Variants in PKN3 observed in about 807,000 individuals in gnomAD.
PKN3 encodes serine/threonine-protein kinase N3.
PKN3 carries 91 observed loss-of-function variants against 113.1 expected under a neutral mutation model. The observed-to-expected ratio is 0.80, with a 90% CI of 0.68 to 0.96. PKN3 has a LOEUF of 0.96. Among genes scored for constraint, PKN3 ranks in the 40% least tolerant of loss-of-function variants. The probability of loss-of-function intolerance (pLI) is 0.00; values close to 1 mark genes in which losing one functional copy is unlikely to be tolerated. For synonymous variants in PKN3, 467 were observed against 499.0 expected, an observed-to-expected ratio of 0.94 and a Z score of 0.85; for missense variants, 1,052 against 1,202.2, an observed-to-expected ratio of 0.88 and a Z score of 1.85.
intron 15 of PKN3, among the ~76,000 whole-genome samples, chr9:128,716,297 CAAAA>C (rs35693710): frequency 1.8e-4 from 18 of 98,606 alleles, no homozygotes; most frequent in Admixed American, 3.1e-4. Context: ...GACCCTGTCT[CAAAA>C]AAAAAAAAAA....
At position 128,719,824 on chromosome 9, in the gene PKN3, G is replaced by A; in HGVS notation, c.2264G>A (p.Gly755Asp). 6.2e-7 allele frequency: 1 copy of A among 1,605,652 alleles called. No individual in the cohort carries two copies. The highest frequency in any genetic ancestry group is 8.5e-7 in the Non-Finnish European group (1 of 1,173,798). The change falls in exon 19 of 22, where the codon GGT becomes GAT. Residue 755 changes from glycine to aspartate, a missense_variant. Physicochemically the swap from Gly to Asp is moderately conservative, Grantham distance 94. Around this residue, in one of 2 missense-constraint regions of PKN3, gnomAD observed 333 missense variants for 442.8 expected, o/e 0.75. Coordinates refer to ENST00000291906, the MANE Select transcript of PKN3 (RefSeq NM_013355.5). ...LGVLLYEMLV[G>D]ECPFPGDTEE... Reference sequence around the variant, plus strand: ...GTGCTGCTCTACGAGATGCTGGTGGGTGAGGTGAGTGCTGGAGCCTGTTTC... The same window carrying A: ...GTGCTGCTCTACGAGATGCTGGTGGATGAGGTGAGTGCTGGAGCCTGTTTC...
intron 6 of PKN3, among the ~76,000 whole-genome samples, chr9:128,707,764 C>T (rs1862062666): frequency 6.6e-6 from 1 of 152,206 alleles, no homozygotes; most frequent in South Asian, 2.1e-4. Context: ...CAGCACTGGG[C>T]AGCTTGGACT....
At chr9:128,707,815 G>A (rs990026770) in intron 6 of PKN3, among the ~76,000 whole-genome samples, 29 of 152,216 alleles carry the variant, frequency 1.9e-4, no homozygotes, top group Non-Finnish European at 3.2e-4. Flanking sequence ...GCTCACGCTG[G>A]TAATTCCAGC....
intron 16 of PKN3, among the ~76,000 whole-genome samples, 154 bp downstream of exon 16, chr9:128,717,077 T>TGA (rs1293274641): frequency 6.7e-6 from 1 of 148,776 alleles, no homozygotes; most frequent in Non-Finnish European, 1.5e-5. Flanking sequence ...ACAGCATTTG[T>TGA]GATCCTGGGT....
In PKN3 at chr9:128,714,637, C is replaced by G. The variant is rs539388542; in HGVS notation, c.1557C>G (p.Pro519=). 2.1e-4 allele frequency: 298 copies of G among 1,423,354 alleles called. 2 individuals are homozygous for G. Among genetic ancestry groups the G allele is most frequent in the Middle Eastern group, 3.5e-4 (2 of 5,710 alleles). The allele number at this position is 1,423,354 out of a possible 1,614,324, so 88.2% of individuals were successfully genotyped here. The change falls in exon 12 of 22, where the codon CCC becomes CCG. Residue 519 remains proline, a synonymous_variant. Coordinates refer to ENST00000291906, the MANE Select transcript of PKN3 (RefSeq NM_013355.5). ...PPPKPPRLYL[P]QEPTSEETPR... The stretch of plus-strand genomic sequence containing the variant: ...CCAAGCCCCCACGCCTCTACCTCCC[C>G]CAGGAGCCAACATCCGAGGAGACTC...
rs140209448 is a variant in PKN3 at position 128,710,623 on chromosome 9, C to G, written c.836-2429C>G. Among the ~76,000 whole-genome samples the G allele has an allele frequency of 4.1e-3, 625 of 152,086 alleles. 1 individual carries two copies. Among genetic ancestry groups the G allele is most frequent in the Admixed American group, 8.8e-3 (135 of 15,260 alleles). ...TCTCCTGCCTCAGCTTCCCGAGTAG[C>G]TGGGATTACAGGCCTGCACCACCAT... is the stretch of plus-strand genomic sequence containing the variant. On this transcript the variant is annotated intron_variant, in intron 6 of 21. Transcript: ENST00000291906.
chr9:128,703,026 C>T (rs1861900507), intron 1 of PKN3, 87 bp downstream of exon 1: 1 of 895,374 alleles, frequency 1.1e-6, no homozygotes, highest in Admixed American at 4.1e-5. Context: ...CGGCCGCTTC[C>T]CCCGATCCTC....
Position 128,715,423 on chromosome 9 carries a change from A to G in PKN3, c.1771A>G (p.Lys591Glu). The change falls in exon 15 of 22, where the codon AAG becomes GAG. Residue 591 changes from lysine to glutamate, a missense_variant. By Grantham distance (56) the Lys-to-Glu change is moderately conservative. Around this residue, in one of 2 missense-constraint regions of PKN3, gnomAD observed 333 missense variants for 442.8 expected, o/e 0.75. Transcript: ENST00000291906. The surrounding 1 kb of genome is among the most constrained non-coding windows in gnomAD (Gnocchi z 4.1). ...GAAATACTACGCCATCAAAGCACTGAAGAAGCAGGAGGTGCTCAGCCGGGA... is the reference window on the plus strand; with the variant it reads ...GAAATACTACGCCATCAAAGCACTGGAGAAGCAGGAGGTGCTCAGCCGGGA... The part of the protein sequence containing the change: ...TGKYYAIKAL[K>E]KQEVLSRDEI... The G allele has an allele frequency of 6.2e-7, 1 of 1,613,900 alleles. No homozygotes were observed.
chr9:128,711,787 CAG>C (rs1359219961), intron 6 of PKN3, among the ~76,000 whole-genome samples: 2 of 150,012 alleles, frequency 1.3e-5, no homozygotes, highest in Non-Finnish European at 3.0e-5. Flanking sequence ...TTAGTAGAGA[CAG>C]AGTTTCACCA....
At position 128,718,392 on chromosome 9, in the gene PKN3, CTT is replaced by C. The variant is rs770893392; in HGVS notation, c.2048+8_2048+9del. 1.0e-5 allele frequency: 10 copies of C among 996,548 alleles called. No homozygotes were observed. The highest frequency in any genetic ancestry group is 1.5e-5 in the Non-Finnish European group (10 of 649,118). 61.7% of individuals were successfully genotyped at this position (996,548 alleles called of 1,614,324 possible). A position where few individuals can be genotyped will look rare whatever the true frequency, so the allele number is the denominator to read the frequency against. On this transcript the variant is annotated splice_donor_region_variant and intron_variant, in intron 17 of 21. Coordinates refer to ENST00000291906, the MANE Select transcript of PKN3 (RefSeq NM_013355.5). ...CGAGAAGAAGATCATTTACAGGTGA[CTT>C]TTGTCCCAGGGATGCACGGGGGTAG...
chr9:128,710,550 G>A (rs576536040), intron 6 of PKN3, among the ~76,000 whole-genome samples: 3 of 152,016 alleles, frequency 2.0e-5, no homozygotes, highest in Non-Finnish European at 4.4e-5. Context: ...GGAGTGCAGT[G>A]GTGCGATATC....
At chr9:128,708,179 A>G (rs1454155790) in intron 6 of PKN3, among the ~76,000 whole-genome samples, 1 of 151,276 alleles carries the variant, frequency 6.6e-6, no homozygotes, top group Non-Finnish European at 1.5e-5. Context: ...TCAGGAGTTC[A>G]AGACCAGCCT....
In PKN3 at chr9:128,714,589, G is replaced by A. The variant is rs750667687; in HGVS notation, c.1509G>A (p.Leu503=). 2 of 1,310,010 alleles carry A rather than the reference G, an allele frequency of 1.5e-6. No homozygotes were observed. The highest frequency in any genetic ancestry group is 2.2e-6 in the Non-Finnish European group (2 of 902,182). The allele number at this position is 1,310,010 out of a possible 1,614,324, so 81.1% of individuals were successfully genotyped here. A position where few individuals can be genotyped will look rare whatever the true frequency, so the allele number is the denominator to read the frequency against. Residue 503 remains leucine, a synonymous_variant, in exon 12 of 22, where the codon TTG becomes TTA. Transcript: ENST00000291906. ...ATTTCCTGCCCAAGAAGACCCCCTTGGGTGAAGAGATGACACCCCCACCCA... is the reference window on the plus strand; with the variant it reads ...ATTTCCTGCCCAAGAAGACCCCCTTAGGTGAAGAGATGACACCCCCACCCA... ...PSNFLPKKTP[L]GEEMTPPPKP... is the part of the protein sequence containing the mutation.
Position 128,712,518 on chromosome 9 carries a change from G to A in PKN3, c.836-534G>A, listed in dbSNP as rs1458297158. Reference sequence around the variant, plus strand: ...TGAGGCCCAGGGAGCAGGTGGGTCCGGACAGGAAGCCAGGCTTCCTGCTCC... The same window carrying A: ...TGAGGCCCAGGGAGCAGGTGGGTCCAGACAGGAAGCCAGGCTTCCTGCTCC... On this transcript the variant is annotated intron_variant, in intron 6 of 21. Transcript: ENST00000291906. Among the ~76,000 whole-genome samples the A allele has an allele frequency of 5.9e-5, 9 of 152,214 alleles. No homozygotes were observed. In the South Asian group the frequency reaches 8.3e-4, roughly 14 times the overall value.
At position 128,712,991 on chromosome 9, in the gene PKN3, C is replaced by T. The variant is rs1196334155; in HGVS notation, c.836-61C>T. 3.9e-6 allele frequency: 6 copies of T among 1,530,938 alleles called. No homozygotes were observed. In the Admixed American group the frequency reaches 5.5e-5, roughly 14 times the overall value. 94.8% of individuals were successfully genotyped at this position (1,530,938 alleles called of 1,614,324 possible). ...GTGGCCTTCCTGGGGTCCCAGGACA[C>T]CTTGGTGGTAGCAGTGGGAAGATGG... On this transcript the variant is annotated intron_variant, in intron 6 of 21. Transcript: ENST00000291906.
At chr9:128,713,911 CTG>C in intron 9 of PKN3, 133 bp from the exon 10 acceptor site, 1 of 905,600 alleles carries the variant, frequency 1.1e-6, no homozygotes, top group Admixed American at 2.1e-5. Context: ...GACATTGAAT[CTG>C]TTTCTCTGGG....
chr9:128,702,702 G>A lies in PKN3; in HGVS notation c.-214G>A, dbSNP rs1012102842. On this transcript the variant is annotated 5_prime_UTR_variant, in exon 1 of 22. Coordinates refer to ENST00000291906, the MANE Select transcript of PKN3 (RefSeq NM_013355.5). ...GGATCCGAGGGAGGCGCTGGGGCGC[G>A]GGACCTCGGGCGTGGGGTCCCGGGC... 2 of 470,082 alleles carry A rather than the reference G, an allele frequency of 4.3e-6. No homozygotes were observed. The highest frequency in any genetic ancestry group is 7.4e-6 in the Non-Finnish European group (2 of 269,982). The allele number at this position is 470,082 out of a possible 1,614,324, so 29.1% of individuals were successfully genotyped here.
chr9:128,712,959 G>A, intron 6 of PKN3, 93 bp from the exon 7 acceptor site: 1 of 1,369,702 alleles, frequency 7.3e-7, no homozygotes, highest in Non-Finnish European at 1.0e-6. Context: ...GCCACCTCCT[G>A]GAGAGGGTGG....
chr9:128,715,193 C>T lies in PKN3; in HGVS notation c.1674C>T (p.Asp558=). 6.2e-7 allele frequency: 1 copy of T among 1,614,116 alleles called. No individual in the cohort carries two copies. The highest frequency in any genetic ancestry group is 1.1e-5 in the South Asian group (1 of 91,086). Residue 558 remains aspartate, a synonymous_variant, in exon 14 of 22, where the codon GAC becomes GAT. Transcript: ENST00000291906. The surrounding 1 kb of genome is among the most constrained non-coding windows in gnomAD (Gnocchi z 4.1). ...SPTRKPPRLQ[D]FRCLAVLGRG... is the part of the protein sequence containing the mutation. ...GCAGGAAACCCCCTCGGCTTCAGGA[C>T]TTCCGCTGCTTAGCTGTGCTGGGCC...
Sources: gnomAD v4.1 joint callset for allele counts (sites outside exome capture counted in the v4.1 genomes callset) on GRCh38, gnomAD v4.1.1 for gene constraint, gnomAD v4.1.1 regional missense constraint, Gnocchi (gnomAD v3.1) non-coding constraint, MANE v1.5 for transcripts, NCBI Gene and HGNC (gene_info 2026-07-23, HGNC 2026-07-21) for gene names.